SLX4IP: variants seen among roughly 807,000 people sequenced by gnomAD.
SLX4IP encodes the protein protein SLX4IP.
In SLX4IP, 34 loss-of-function variants were observed where a neutral mutation model predicts 32.9. That is an observed-to-expected ratio of 1.03 (90% confidence interval 0.79 to 1.38). The LOEUF is 1.38. Among genes scored for constraint, SLX4IP ranks in the 40% most tolerant of loss-of-function variants. SLX4IP has a pLI of 0.00. For synonymous variants in SLX4IP, 172 were observed against 171.7 expected, an observed-to-expected ratio of 1.00 and a Z score of -0.01; for missense variants, 444 against 479.0, an observed-to-expected ratio of 0.93 and a Z score of 0.68.
intron 3 of SLX4IP, among the ~76,000 whole-genome samples, chr20:10,558,715 G>A (rs1170149708): frequency 2.0e-5 from 3 of 152,200 alleles, no homozygotes; most frequent in South Asian, 2.1e-4. Context: ...AGCACAGCCC[G>A]TTAGCCTAGA....
rs994430736 is a variant in SLX4IP at position 10,618,826 on chromosome 20, C to T, written c.406-2488C>T. Among the ~76,000 whole-genome samples the T allele has an allele frequency of 3.3e-5, 5 of 150,780 alleles. No homozygotes were observed. In the East Asian group the frequency reaches 5.9e-4, roughly 18 times the overall value. ...GTGCCTCCGGATAAGCCTCAGATTG[C>T]ATTTTGATGCCAGATGTGAGAAGCC... On this transcript the variant is annotated intron_variant, in intron 6 of 7. Coordinates refer to ENST00000334534, the MANE Select transcript of SLX4IP (RefSeq NM_001009608.3).
In SLX4IP at chr20:10,558,477, A is replaced by T. The variant is rs138810645; in HGVS notation, c.117+2157A>T. On this transcript the variant is annotated intron_variant, in intron 3 of 7. Transcript: ENST00000334534. ...TTAGGTTCAGTGTCCCCAGGCTTTCATCTTCTTTATCCTTAGATCCTCTCA... is the reference window on the plus strand; with the variant it reads ...TTAGGTTCAGTGTCCCCAGGCTTTCTTCTTCTTTATCCTTAGATCCTCTCA... Among the ~76,000 whole-genome samples, 216 of 152,214 alleles carry T rather than the reference A, an allele frequency of 1.4e-3. 2 individuals carry two copies. Among genetic ancestry groups the T allele is most frequent in the Middle Eastern group, 3.4e-3 (1 of 294 alleles).
intron 4 of SLX4IP, among the ~76,000 whole-genome samples, chr20:10,573,763 T>C (rs755416462): frequency 1.1e-4 from 17 of 152,244 alleles, no homozygotes; most frequent in Non-Finnish European, 2.4e-4. Flanking sequence ...AGATCTCTCA[T>C]AAAGCACTGT....
chr20:10,450,102 C>CTTG (rs2065230114), intron 1 of SLX4IP, among the ~76,000 whole-genome samples: 1 of 152,158 alleles, frequency 6.6e-6, no homozygotes, highest in Admixed American at 6.5e-5. Flanking sequence ...AAAGCCTTGC[C>CTTG]TTGGCCTTCC....
At chr20:10,550,649 C>T (rs534359656) in intron 2 of SLX4IP, among the ~76,000 whole-genome samples, 2 of 152,348 alleles carry the variant, frequency 1.3e-5, no homozygotes, top group South Asian at 4.1e-4. Flanking sequence ...TCAGCCTGTC[C>T]AGGGCCCCTC....
chr20:10,512,473 C>T (rs898672143), intron 2 of SLX4IP, among the ~76,000 whole-genome samples: 4 of 150,564 alleles, frequency 2.7e-5, no homozygotes, highest in Non-Finnish European at 4.4e-5. Flanking sequence ...TTCAGTGGTA[C>T]AATCATACCT....
intron 4 of SLX4IP, among the ~76,000 whole-genome samples, chr20:10,568,989 G>T (rs2066428259): frequency 6.6e-6 from 1 of 152,072 alleles, no homozygotes; most frequent in African/African-American, 2.4e-5. Context: ...TTTCCCTTGT[G>T]CAAATACCTT....
rs1387263646 is a variant in SLX4IP at position 10,515,703 on chromosome 20, C to A, written c.28-40528C>A. 2.0e-5 allele frequency among the ~76,000 whole-genome samples: 3 copies of A among 152,152 alleles called. No homozygotes were observed. In the South Asian group the frequency reaches 6.2e-4, roughly 32 times the overall value. ...AAGCATAGCTCATTTAGTTCACTAGCCTGAATATTCTATCTGAATGGTAAC... is the reference window on the plus strand; with the variant it reads ...AAGCATAGCTCATTTAGTTCACTAGACTGAATATTCTATCTGAATGGTAAC... On this transcript the variant is annotated intron_variant, in intron 2 of 7. Transcript: ENST00000334534.
chr20:10,596,332 C>T (rs1482531110), intron 4 of SLX4IP, among the ~76,000 whole-genome samples: 1 of 152,254 alleles, frequency 6.6e-6, no homozygotes, highest in East Asian at 1.9e-4. Context: ...AAGCAATCCT[C>T]CTGCCTCAGC....
At chr20:10,498,953 A>G (rs2122410002) in intron 2 of SLX4IP, among the ~76,000 whole-genome samples, 1 of 152,274 alleles carries the variant, frequency 6.6e-6, no homozygotes, top group South Asian at 2.1e-4. Context: ...CATTTGGACA[A>G]TAAATTATCA....
intron 2 of SLX4IP, among the ~76,000 whole-genome samples, chr20:10,529,869 G>A (rs1222482095): frequency 6.6e-6 from 1 of 152,112 alleles, no homozygotes; most frequent in Non-Finnish European, 1.5e-5. Flanking sequence ...CCCTCAGTTT[G>A]GAAATAGTTT....
intron 4 of SLX4IP, among the ~76,000 whole-genome samples, chr20:10,588,138 A>G (rs997588882): frequency 2.0e-5 from 3 of 152,184 alleles, no homozygotes; most frequent in African/African-American, 7.2e-5. Context: ...TAGCAAAGAA[A>G]AAAAAGGAAA....
intron 2 of SLX4IP, among the ~76,000 whole-genome samples, chr20:10,493,831 T>C (rs1568708484): frequency 6.6e-6 from 1 of 150,730 alleles, no homozygotes; most frequent in Non-Finnish European, 1.5e-5. Flanking sequence ...AGTGTTAAAC[T>C]TTACTGAAGT....
At chr20:10,446,173 GGAGGCT>G (rs1193970965) in intron 1 of SLX4IP, among the ~76,000 whole-genome samples, 2 of 151,898 alleles carry the variant, frequency 1.3e-5, no homozygotes, top group South Asian at 4.2e-4. Context: ...CAGCACTTTG[GGAGGCT>G]GAGGTGGGTG....
intron 2 of SLX4IP, among the ~76,000 whole-genome samples, chr20:10,530,536 C>A (rs1167944961): frequency 6.6e-6 from 1 of 152,148 alleles, no homozygotes; most frequent in East Asian, 1.9e-4. Flanking sequence ...ATGGAGTCTG[C>A]GTGCTCACTT....
chr20:10,493,649 A>T (rs2065643975), intron 2 of SLX4IP, among the ~76,000 whole-genome samples: 1 of 152,070 alleles, frequency 6.6e-6, no homozygotes, highest in African/African-American at 2.4e-5. Flanking sequence ...GACCAATGCA[A>T]TGTGAATAGA....
At chr20:10,522,054 G>C (rs1173910414) in intron 2 of SLX4IP, among the ~76,000 whole-genome samples, 2 of 152,186 alleles carry the variant, frequency 1.3e-5, no homozygotes, top group African/African-American at 4.8e-5. Context: ...GCACTCTAAA[G>C]TGACTGGCCT....
chr20:10,554,044 G>A (rs1203296424), intron 2 of SLX4IP, among the ~76,000 whole-genome samples: 1 of 152,214 alleles, frequency 6.6e-6, no homozygotes, highest in Non-Finnish European at 1.5e-5. Flanking sequence ...TGATTGCAGT[G>A]TATACATAAC....
intron 2 of SLX4IP, among the ~76,000 whole-genome samples, chr20:10,483,531 C>T (rs911259216): frequency 5.9e-5 from 9 of 152,052 alleles, no homozygotes; most frequent in African/African-American, 2.2e-4. Flanking sequence ...TTGGGTAATA[C>T]ATAAATGAAG....
Sources: gnomAD v4.1 joint callset for allele counts (sites outside exome capture counted in the v4.1 genomes callset) on GRCh38, gnomAD v4.1.1 for gene constraint, MANE v1.5 for transcripts, NCBI Gene and HGNC (gene_info 2026-07-23, HGNC 2026-07-21) for gene names.